ABCC4: variants seen among roughly 807,000 people sequenced by gnomAD.
ABCC4 encodes the protein ATP binding cassette subfamily C member 4 (PEL blood group).
ABCC4 carries 102 observed loss-of-function variants against 168.5 expected under a neutral mutation model. The ratio of observed to expected loss-of-function variants is 0.61; its 90% confidence interval spans 0.52 to 0.71. ABCC4 has a LOEUF of 0.71. ABCC4 is among the 30% of genes least tolerant of loss of function. The pLI is 0.00. For synonymous variants in ABCC4, 617 were observed against 590.7 expected (o/e 1.04, Z -0.65); for missense variants, 1,402 against 1,605.8 (o/e 0.87, Z 2.17).
chr13:95,122,142 G>A (rs1042410409), intron 19 of ABCC4, among the ~76,000 whole-genome samples: 1 of 152,132 alleles, frequency 6.6e-6, no homozygotes, highest in Non-Finnish European at 1.5e-5. Context: ...GGATAAATCT[G>A]TTGACCATTT....
At position 95,294,669 on chromosome 13, in the gene ABCC4, C is replaced by T. The variant is rs890101779; in HGVS notation, c.74+6572G>A. 5.3e-5 allele frequency among the ~76,000 whole-genome samples: 8 copies of T among 152,282 alleles called. 1 individual carries two copies. Among genetic ancestry groups the T allele is most frequent in the Admixed American group, 2.6e-4 (4 of 15,290 alleles). Reference sequence around the variant, plus strand: ...CAAGGTTGGGGTAGAAAACATAGTCCAGGCTGGGCATGGCGGCTCACGCCT... The same window carrying T: ...CAAGGTTGGGGTAGAAAACATAGTCTAGGCTGGGCATGGCGGCTCACGCCT... On this transcript the variant is annotated intron_variant, in intron 1 of 30. Transcript: ENST00000645237.
intron 20 of ABCC4, among the ~76,000 whole-genome samples, chr13:95,091,323 C>T (rs770691687): frequency 3.0e-4 from 45 of 152,274 alleles, no homozygotes; most frequent in Admixed American, 5.2e-4. Context: ...TGAAAAAAAT[C>T]ATCACCTAGG....
chr13:95,215,597 G>A (rs1051645261), intron 4 of ABCC4, among the ~76,000 whole-genome samples: 11 of 152,028 alleles, frequency 7.2e-5, no homozygotes, highest in African/African-American at 2.2e-4. Context: ...ATGTTGGGCC[G>A]TCAGTAAATT....
intron 1 of ABCC4, among the ~76,000 whole-genome samples, chr13:95,288,161 A>G (rs1436409203): frequency 6.6e-6 from 1 of 152,152 alleles, no homozygotes; most frequent in African/African-American, 2.4e-5. Flanking sequence ...TGAAGCCCAG[A>G]GTGGTCATGT....
chr13:95,283,267 C>T lies in ABCC4; in HGVS notation c.74+17974G>A, dbSNP rs2041173003. Among the ~76,000 whole-genome samples, 3 of 149,770 alleles carry T rather than the reference C, an allele frequency of 2.0e-5. No individual in the cohort carries two copies. The Admixed American group carries it at 2.0e-4, about 10-fold the overall frequency. Reference sequence around the variant, plus strand: ...TGGTCCTGTGGCAGTGGGTCTCAAACATCAGCATGCATCAGAATCACTTGG... The same window carrying T: ...TGGTCCTGTGGCAGTGGGTCTCAAATATCAGCATGCATCAGAATCACTTGG... On this transcript the variant is annotated intron_variant, in intron 1 of 30. Coordinates refer to ENST00000645237, the MANE Select transcript of ABCC4 (RefSeq NM_005845.5).
At chr13:95,274,412 C>G (rs2040921380) in intron 1 of ABCC4, among the ~76,000 whole-genome samples, 1 of 152,220 alleles carries the variant, frequency 6.6e-6, no homozygotes. Flanking sequence ...CCGTCTTTAT[C>G]TAGCCTGTCC....
rs533243723 is a variant in ABCC4 at position 95,240,421 on chromosome 13, C to T, written c.307-5587G>A. Among the ~76,000 whole-genome samples, 24 of 152,056 alleles carry T rather than the reference C, an allele frequency of 1.6e-4. No homozygotes were observed. The South Asian group carries it at 4.6e-3, about 29-fold the overall frequency. ...TGGCAGATGCCTATAATCCCAGCTA[C>T]TCAGGAGGCTGAGGCAGGAGAATCA... On this transcript the variant is annotated intron_variant, in intron 3 of 30. Coordinates refer to ENST00000645237, the MANE Select transcript of ABCC4 (RefSeq NM_005845.5).
intron 4 of ABCC4, among the ~76,000 whole-genome samples, chr13:95,228,990 C>T (rs967857079): frequency 1.3e-5 from 2 of 152,028 alleles, no homozygotes; most frequent in African/African-American, 4.8e-5. Flanking sequence ...ATGAAGAGTA[C>T]CTGATAATAT....
At chr13:95,233,504 G>C (rs1320318578) in intron 4 of ABCC4, among the ~76,000 whole-genome samples, 2 of 152,040 alleles carry the variant, frequency 1.3e-5, no homozygotes, top group Non-Finnish European at 2.9e-5. Flanking sequence ...CTAGAGTTGG[G>C]AGAGAGGGAA....
In ABCC4 at chr13:95,245,507, C is replaced by T. The variant is rs528136738; in HGVS notation, c.306+1468G>A. The stretch of plus-strand genomic sequence containing the variant: ...GATCGGGGCCATGTGGAAACACTAT[C>T]GCTGGGACACCCCAGCACAGGTTGA... On this transcript the variant is annotated intron_variant, in intron 3 of 30. Coordinates refer to ENST00000645237, the MANE Select transcript of ABCC4 (RefSeq NM_005845.5). 2.0e-5 allele frequency among the ~76,000 whole-genome samples: 3 copies of T among 152,332 alleles called. 1 individual carries two copies. Among genetic ancestry groups the T allele is most frequent in the African/African-American group, 4.8e-5 (2 of 41,582 alleles).
chr13:95,066,178 AT>A (rs779466256), intron 25 of ABCC4, among the ~76,000 whole-genome samples: 11 of 152,242 alleles, frequency 7.2e-5, no homozygotes, highest in Non-Finnish European at 1.6e-4. Context: ...GAGCCTTGGC[AT>A]ATGCCATCGT....
At chr13:95,238,233 G>A (rs574101857) in intron 3 of ABCC4, among the ~76,000 whole-genome samples, 68 of 151,494 alleles carry the variant, frequency 4.5e-4, no homozygotes, top group Admixed American at 1.1e-3. Flanking sequence ...GGGGAACAGG[G>A]GACAAAACTA....
chr13:95,282,115 C>T (rs373109443), intron 1 of ABCC4, among the ~76,000 whole-genome samples: 1 of 146,286 alleles, frequency 6.8e-6, no homozygotes, highest in Non-Finnish European at 1.5e-5. Context: ...CCAGCCTGGG[C>T]AACAGAGAGA....
chr13:95,236,015 G>C (rs1360843407), intron 3 of ABCC4, among the ~76,000 whole-genome samples: 1 of 152,110 alleles, frequency 6.6e-6, no homozygotes, highest in Non-Finnish European at 1.5e-5. Context: ...CTTACCTTCT[G>C]AACAAGATGT....
chr13:95,025,236 TACACACACACCCACACACACAC>T (rs2031387995), intron 30 of ABCC4, among the ~76,000 whole-genome samples: 1 of 6,404 alleles, frequency 1.6e-4, no homozygotes, highest in Non-Finnish European at 2.8e-4. Context: ...CACACACCCA[TACACACACACCCACACACACAC>T]ACACCCCCAC....
intron 1 of ABCC4, among the ~76,000 whole-genome samples, chr13:95,268,953 C>T (rs538037022): frequency 1.3e-5 from 2 of 152,230 alleles, no homozygotes; most frequent in South Asian, 4.1e-4. Context: ...AGTCTCTCGT[C>T]CCACCCGATG....
intron 4 of ABCC4, among the ~76,000 whole-genome samples, chr13:95,213,645 C>A (rs9524831): frequency 0.75 from 113,000 of 151,662 alleles, 42,896 homozygotes; most frequent in Non-Finnish European, 0.83. Context: ...CAGGCATTCA[C>A]CTGAGACACC....
intron 4 of ABCC4, among the ~76,000 whole-genome samples, chr13:95,211,850 A>G (rs2038966180): frequency 6.6e-6 from 1 of 152,178 alleles, no homozygotes; most frequent in Non-Finnish European, 1.5e-5. Flanking sequence ...TGTGAATGGG[A>G]AAAAAAGGGC....
At chr13:95,096,892 A>C (rs1389417564) in intron 20 of ABCC4, among the ~76,000 whole-genome samples, 1 of 152,206 alleles carries the variant, frequency 6.6e-6, no homozygotes, top group Non-Finnish European at 1.5e-5. Context: ...TATGTGAATA[A>C]ATATAAAACA....
Sources: allele counts gnomAD v4.1 joint callset (sites outside exome capture counted in the v4.1 genomes callset), GRCh38; gene constraint gnomAD v4.1.1; transcripts MANE v1.5; gene names NCBI Gene and HGNC (gene_info 2026-07-23, HGNC 2026-07-21).